GJC2: variants seen among roughly 807,000 people sequenced by gnomAD.
The protein encoded by GJC2 is gap junction protein gamma 2.
For missense variants in GJC2, 647 were observed against 648.9 expected (o/e 1.00, Z 0.03); for synonymous variants, 336 against 307.5 (o/e 1.09, Z -0.97).
At position 228,158,354 on chromosome 1, in the gene GJC2, A is replaced by G. The variant is rs2034717442; in HGVS notation, c.596A>G (p.Asp199Gly). The part of the protein sequence containing the change: ...AGTPGPTGQH[D>G]GRRRIQREGL... The stretch of plus-strand genomic sequence containing the variant: ...ACCCCGGGCCCGACCGGGCAACACG[A>G]TGGGCGGAGGCGCATCCAGCGGGAG... The change falls in exon 2 of 2, where the codon GAT becomes GGT. Residue 199 changes from aspartate to glycine, a missense_variant. Coordinates refer to ENST00000366714, the MANE Select transcript of GJC2 (RefSeq NM_020435.4). The surrounding 1 kb of genome is among the most constrained non-coding windows in gnomAD (Gnocchi z 8.3). The G allele has an allele frequency of 1.3e-6, 2 of 1,590,154 alleles. No homozygotes were observed. The highest frequency in any genetic ancestry group is 1.7e-6 in the Non-Finnish European group (2 of 1,172,450).
At chr1:228,154,732 T>C (rs2034659877) in intron 1 of GJC2, among the ~76,000 whole-genome samples, 1 of 152,248 alleles carries the variant, frequency 6.6e-6, no homozygotes, top group South Asian at 2.1e-4. Flanking sequence ...ACAAGACTAC[T>C]TGATTTCTTT....
chr1:228,157,896 C>G lies in GJC2; in HGVS notation c.138C>G (p.Ile46Met), dbSNP rs2034706570. 1.2e-6 allele frequency: 2 copies of G among 1,612,500 alleles called. No individual in the cohort carries two copies. The highest frequency in any genetic ancestry group is 2.2e-5 in the South Asian group (2 of 91,008). The change falls in exon 2 of 2, where the codon ATC (isoleucine) becomes ATG (methionine). Residue 46 changes from isoleucine to methionine, a missense_variant. Transcript: ENST00000366714. ...IVLTAVGGEA[I>M]YSDEQAKFTC... Reference sequence around the variant, plus strand: ...TGACGGCTGTGGGCGGCGAGGCCATCTACTCGGACGAGCAGGCCAAGTTCA... The same window carrying G: ...TGACGGCTGTGGGCGGCGAGGCCATGTACTCGGACGAGCAGGCCAAGTTCA...
chr1:228,159,776 A>C lies in GJC2; in HGVS notation c.*698A>C, dbSNP rs553524558. On this transcript the variant is annotated 3_prime_UTR_variant, in exon 2 of 2. Transcript: ENST00000366714. This position sits in a 1 kb window ranked among gnomAD's most constrained non-coding sequence, Gnocchi z 4.0. ...GCCTGTCTGTCCTCCTCCCTAATTCAGACCCAGCCTCAAGAGGAAAGGGAG... is the reference window on the plus strand; with the variant it reads ...GCCTGTCTGTCCTCCTCCCTAATTCCGACCCAGCCTCAAGAGGAAAGGGAG... 6.0e-5 allele frequency: 10 copies of C among 167,324 alleles called. No individual in the cohort carries two copies. The highest frequency in any genetic ancestry group is 1.3e-4 in the Non-Finnish European group (9 of 68,340). The allele number at this position is 167,324 out of a possible 1,614,324, so 10.4% of individuals were successfully genotyped here.
chr1:228,152,523 C>T lies in GJC2; in HGVS notation c.-20+2516C>T, dbSNP rs2034630199. Among the ~76,000 whole-genome samples the T allele has an allele frequency of 6.6e-6, 1 of 152,098 alleles. No individual in the cohort carries two copies. The highest frequency in any genetic ancestry group is 2.1e-4 in the South Asian group (1 of 4,828). ...CCAGCCAGGTTTGCAGACAGGCAGC[C>T]TCAGCTTGGGCCTGCTTGCCCTGAA... On this transcript the variant is annotated intron_variant, in intron 1 of 1. Transcript: ENST00000366714. This position sits in a 1 kb window ranked among gnomAD's most constrained non-coding sequence, Gnocchi z 7.3.
At chr1:228,153,083 C>T (rs958497205) in intron 1 of GJC2, among the ~76,000 whole-genome samples, 2 of 152,036 alleles carry the variant, frequency 1.3e-5, no homozygotes, top group Admixed American at 6.5e-5. Context: ...CCCTGGGGGC[C>T]AGCACCCCTC....
rs2034720012 is a variant in GJC2, at chr1:228,158,483, T to C, written c.725T>C (p.Phe242Ser). The C allele has an allele frequency of 3.1e-6, 5 of 1,612,230 alleles. No homozygotes were observed. Among genetic ancestry groups the C allele is most frequent in the Non-Finnish European group, 4.2e-6 (5 of 1,179,602 alleles). The change falls in exon 2 of 2, where the codon TTC (phenylalanine) becomes TCC (serine). Residue 242 changes from phenylalanine to serine, a missense_variant. By Grantham distance (155) the Phe-to-Ser change is radical (BLOSUM62 -2). Transcript: ENST00000366714. This position sits in a 1 kb window ranked among gnomAD's most constrained non-coding sequence, Gnocchi z 8.3. ...YLLYGFEVRP[F>S]FPCSRQPCPH... ...CTGTACGGCTTCGAGGTGCGACCGT[T>C]CTTTCCCTGCAGCCGCCAGCCCTGC...
chr1:228,159,027 C>A lies in GJC2; in HGVS notation c.1269C>A (p.Ser423=). 1 of 1,609,412 alleles carries A rather than the reference C, an allele frequency of 6.2e-7. No homozygotes were observed. Among genetic ancestry groups the A allele is most frequent in the Non-Finnish European group, 8.5e-7 (1 of 1,179,384 alleles). ...ERPGAKPRAG[S]EKGSASSRDG... ...CAGGAGCCAAGCCCAGGGCTGGCTC[C>A]GAGAAGGGCAGTGCCAGCAGCAGGG... Residue 423 remains serine (S), a synonymous_variant, in exon 2 of 2, where the codon TCC becomes TCA. Transcript: ENST00000366714. The surrounding 1 kb of genome is among the most constrained non-coding windows in gnomAD (Gnocchi z 4.0).
At chr1:228,153,197 T>G (rs1414258478) in intron 1 of GJC2, among the ~76,000 whole-genome samples, 1 of 151,948 alleles carries the variant, frequency 6.6e-6, no homozygotes, top group East Asian at 1.9e-4. Flanking sequence ...TCATGGTCCT[T>G]TCTTTAAGTA....
intron 1 of GJC2, among the ~76,000 whole-genome samples, chr1:228,156,214 ATGTGCATGTG>A (rs2034678007): frequency 6.6e-6 from 1 of 152,054 alleles, no homozygotes; most frequent in African/African-American, 2.4e-5. Flanking sequence ...GTGCATACGT[ATGTGCATGTG>A]TGTGCATATG....
Position 228,158,205 on chromosome 1 carries a change from C to A in GJC2, c.447C>A (p.Gly149=). 2 of 1,482,218 alleles carry A rather than the reference C, an allele frequency of 1.3e-6. No homozygotes were observed. The highest frequency in any genetic ancestry group is 1.8e-6 in the Non-Finnish European group (2 of 1,120,328). The allele number at this position is 1,482,218 out of a possible 1,614,324, so 91.8% of individuals were successfully genotyped here. Residue 149 remains glycine, a synonymous_variant, in exon 2 of 2, where the codon GGC becomes GGA. Coordinates refer to ENST00000366714, the MANE Select transcript of GJC2 (RefSeq NM_020435.4). The surrounding 1 kb of genome is among the most constrained non-coding windows in gnomAD (Gnocchi z 8.3). The stretch of plus-strand genomic sequence containing the variant: ...TGGGCGAGGAGGAGCCCATGCTGGG[C>A]CTGGGCGAGGAGGAGGAGGAGGAGG... ...ADLGEEEPML[G]LGEEEEEEET...
chr1:228,156,147 C>CGT (rs902741534), intron 1 of GJC2, among the ~76,000 whole-genome samples: 6 of 152,018 alleles, frequency 3.9e-5, no homozygotes, highest in East Asian at 1.9e-4. Context: ...CCTGATCACA[C>CGT]GTGTGTGTGT....
chr1:228,157,934 G>A lies in GJC2; in HGVS notation c.176G>A (p.Arg59Gln), dbSNP rs866889643. The A allele has an allele frequency of 6.2e-7, 1 of 1,612,738 alleles. No individual in the cohort carries two copies. The highest frequency in any genetic ancestry group is 8.5e-7 in the Non-Finnish European group (1 of 1,179,844). Reference sequence around the variant, plus strand: ...CAGGCCAAGTTCACTTGCAACACGCGGCAGCCAGGCTGCGACAACGTCTGC... The same window carrying A: ...CAGGCCAAGTTCACTTGCAACACGCAGCAGCCAGGCTGCGACAACGTCTGC... Reference protein sequence around the residue: ...DEQAKFTCNTRQPGCDNVCYD... With the variant: ...DEQAKFTCNTQQPGCDNVCYD... Residue 59 changes from arginine (R) to glutamine (Q), a missense_variant, in exon 2 of 2, where the codon CGG becomes CAG. Arg to Gln is a conservative substitution (Grantham distance 43, BLOSUM62 1). Transcript: ENST00000366714.
At position 228,155,099 on chromosome 1, in the gene GJC2, G is replaced by A. The variant is rs138521790; in HGVS notation, c.-19-2641G>A. Reference sequence around the variant, plus strand: ...CACCCTGTGGTCTCCAGCTGTGATCGTCATCACATGGAATAGTCACTAGCA... The same window carrying A: ...CACCCTGTGGTCTCCAGCTGTGATCATCATCACATGGAATAGTCACTAGCA... On this transcript the variant is annotated intron_variant, in intron 1 of 1. Coordinates refer to ENST00000366714, the MANE Select transcript of GJC2 (RefSeq NM_020435.4). 9.3e-4 allele frequency among the ~76,000 whole-genome samples: 142 copies of A among 152,314 alleles called. 2 individuals are homozygous for A. The East Asian group carries it at 0.015, about 16-fold the overall frequency.
Position 228,159,646 on chromosome 1 carries a change from C to T in GJC2, c.*568C>T, listed in dbSNP as rs2034743516. The T allele has an allele frequency of 5.9e-6, 1 of 169,542 alleles. No homozygotes were observed. Among genetic ancestry groups the T allele is most frequent in the Non-Finnish European group, 1.4e-5 (1 of 69,554 alleles). The allele number at this position is 169,542 out of a possible 1,614,324, so 10.5% of individuals were successfully genotyped here. A position where few individuals can be genotyped will look rare whatever the true frequency, so the allele number is the denominator to read the frequency against. ...CCGTTCCTCTGGGAGGCTTGAAGTTCTGCAAAGATGTTGATATGCCTTGCA... is the reference window on the plus strand; with the variant it reads ...CCGTTCCTCTGGGAGGCTTGAAGTTTTGCAAAGATGTTGATATGCCTTGCA... On this transcript the variant is annotated 3_prime_UTR_variant, in exon 2 of 2. Transcript: ENST00000366714. The surrounding 1 kb of genome is among the most constrained non-coding windows in gnomAD (Gnocchi z 4.0).
Position 228,157,752 on chromosome 1 carries a change from C to T in GJC2, c.-7C>T, listed in dbSNP as rs775365862. On this transcript the variant is annotated 5_prime_UTR_variant, in exon 2 of 2. Coordinates refer to ENST00000366714, the MANE Select transcript of GJC2 (RefSeq NM_020435.4). ...CCCCGCCCCACAGGACCCGCCCGCC[C>T]GCCCCTATGACCAACATGAGCTGGA... 2.0e-5 allele frequency: 9 copies of T among 441,366 alleles called. No homozygotes were observed. Among genetic ancestry groups the T allele is most frequent in the Non-Finnish European group, 4.1e-5 (9 of 219,880 alleles). 27.3% of individuals were successfully genotyped at this position (441,366 alleles called of 1,614,324 possible). A position where few individuals can be genotyped will look rare whatever the true frequency, so the allele number is the denominator to read the frequency against.
At chr1:228,154,291 A>G (rs2034655250) in intron 1 of GJC2, among the ~76,000 whole-genome samples, 1 of 152,124 alleles carries the variant, frequency 6.6e-6, no homozygotes, top group Non-Finnish European at 1.5e-5. Context: ...GTCTGGATGA[A>G]CACTGGCCGG....
Position 228,157,740 on chromosome 1 carries a change from G to GGGGCCCCC in GJC2, c.-19_-18insGGGCCCCC. 1 of 662,262 alleles carries GGGGCCCCC rather than the reference G, an allele frequency of 1.5e-6. No homozygotes were observed. The highest frequency in any genetic ancestry group is 2.6e-6 in the Non-Finnish European group (1 of 378,506). The allele number at this position is 662,262 out of a possible 1,614,324, so 41.0% of individuals were successfully genotyped here. ...GGCTGACCCCTACCCCGCCCCACAGGACCCGCCCGCCCGCCCCTATGACCA... is the reference window on the plus strand; with the variant it reads ...GGCTGACCCCTACCCCGCCCCACAGGGGGCCCCCACCCGCCCGCCCGCCCCTATGACCA... On this transcript the variant is annotated splice_region_variant and 5_prime_UTR_variant, in exon 2 of 2. Coordinates refer to ENST00000366714, the MANE Select transcript of GJC2 (RefSeq NM_020435.4).
Position 228,150,858 on chromosome 1 carries a change from G to C in GJC2, c.-20+851G>C, listed in dbSNP as rs1179687610. ...GGGTGGAGGGCAGGGACAGCCTTAGGAGGCTGGGGTAATCATCACCCCCTC... is the reference window on the plus strand; with the variant it reads ...GGGTGGAGGGCAGGGACAGCCTTAGCAGGCTGGGGTAATCATCACCCCCTC... On this transcript the variant is annotated intron_variant, in intron 1 of 1. Transcript: ENST00000366714. The surrounding 1 kb of genome is among the most constrained non-coding windows in gnomAD (Gnocchi z 4.6). Among the ~76,000 whole-genome samples the C allele has an allele frequency of 6.6e-6, 1 of 152,086 alleles. No individual in the cohort carries two copies. The highest frequency in any genetic ancestry group is 1.5e-5 in the Non-Finnish European group (1 of 67,952).
rs1037993941 is a variant in GJC2 at position 228,155,202 on chromosome 1, G to T, written c.-19-2538G>T. ...GTGTGCGCCTGTGCATGTGTGTGTG[G>T]CGAGGCCAGGTAGCAAAGGCTCCTG... On this transcript the variant is annotated intron_variant, in intron 1 of 1. Transcript: ENST00000366714. Among the ~76,000 whole-genome samples, 3 of 152,198 alleles carry T rather than the reference G, an allele frequency of 2.0e-5. No homozygotes were observed. The East Asian group carries it at 5.8e-4, about 29-fold the overall frequency.
Sources: allele counts gnomAD v4.1 joint callset (sites outside exome capture counted in the v4.1 genomes callset), GRCh38; gene constraint gnomAD v4.1.1; non-coding constraint Gnocchi (gnomAD v3.1); transcripts MANE v1.5; gene names NCBI Gene and HGNC (gene_info 2026-07-23, HGNC 2026-07-21).